DCAF6: variants seen among roughly 807,000 people sequenced by gnomAD.
DCAF6 encodes DDB1 and CUL4 associated factor 6.
In DCAF6, 54 loss-of-function variants were observed where a neutral mutation model predicts 125.1. The ratio of observed to expected loss-of-function variants is 0.43; its 90% CI spans 0.35 to 0.54. The LOEUF is 0.54. Among genes scored for constraint, DCAF6 ranks in the 20% least tolerant of loss-of-function variants. DCAF6 has a pLI of 0.01. For synonymous variants in DCAF6, 371 were observed against 390.4 expected, an observed-to-expected ratio of 0.95 and a Z score of 0.58; for missense variants, 934 against 1,161.7, an observed-to-expected ratio of 0.80 and a Z score of 2.85.
chr1:167,950,030 T>C (rs1422905151), intron 1 of DCAF6, among the ~76,000 whole-genome samples: 2 of 152,236 alleles, frequency 1.3e-5, no homozygotes, highest in Non-Finnish European at 2.9e-5. Context: ...TATGCCTCTA[T>C]ACATGTTCTA....
Position 168,036,091 on chromosome 1 carries a change from A to C in DCAF6, c.1610-2280A>C, listed in dbSNP as rs573420125. 2.6e-5 allele frequency among the ~76,000 whole-genome samples: 4 copies of C among 152,090 alleles called. No individual in the cohort carries two copies. The South Asian group carries it at 8.3e-4, about 32-fold the overall frequency. ...AAAATAAAAACAAAACAAAACAAAA[A>C]AACTTTGTAGTAGATACTGTAGGAA... is the stretch of plus-strand genomic sequence containing the variant. On this transcript the variant is annotated intron_variant, in intron 12 of 21. Transcript: ENST00000367840.
At chr1:167,896,570 G>A in the DCAF6 span, 50 of 1,562,094 alleles carry the variant, frequency 3.2e-5, no homozygotes, top group South Asian at 5.2e-4. Flanking sequence ...AGAGGCAAAG[G>A]CATTTTTCCA....
intron 1 of DCAF6, among the ~76,000 whole-genome samples, chr1:167,940,031 T>C (rs1307393637): frequency 6.6e-6 from 1 of 152,226 alleles, no homozygotes; most frequent in African/African-American, 2.4e-5. Context: ...ATTTTTCTTG[T>C]AGCCTTTACA....
At position 167,937,182 on chromosome 1, in the gene DCAF6, A is replaced by G; in HGVS notation, c.97+174A>G. ...TCCGTGCCGGTGCCTCCCCCAGTCAAGCCCCCTGTGCATGCTGCCAGCCGC... is the reference window on the plus strand; with the variant it reads ...TCCGTGCCGGTGCCTCCCCCAGTCAGGCCCCCTGTGCATGCTGCCAGCCGC... On this transcript the variant is annotated intron_variant, in intron 1 of 21. Coordinates refer to ENST00000367840, the MANE Select transcript of DCAF6 (RefSeq NM_001198956.2). 4.8e-6 allele frequency: 3 copies of G among 625,316 alleles called. No individual in the cohort carries two copies. The Admixed American group carries it at 8.7e-5, about 18-fold the overall frequency. The allele number at this position is 625,316 out of a possible 1,614,324, so 38.7% of individuals were successfully genotyped here. A position where few individuals can be genotyped will look rare whatever the true frequency, so the allele number is the denominator to read the frequency against.
chr1:167,990,204 A>T (rs778247370), intron 5 of DCAF6, among the ~76,000 whole-genome samples: 14 of 152,072 alleles, frequency 9.2e-5, no homozygotes, highest in South Asian at 4.2e-4. Context: ...TTTGTACAAA[A>T]TTTTTTTTAA....
chr1:167,883,956 A>T, the DCAF6 span, among the ~76,000 whole-genome samples: 1 of 152,214 alleles, frequency 6.6e-6, no homozygotes, highest in Non-Finnish European at 1.5e-5. Context: ...AAAAAAATTT[A>T]AAATTTTTTA....
At chr1:167,905,173 C>T in the DCAF6 span, 3 of 1,613,792 alleles carry the variant, frequency 1.9e-6, no homozygotes, top group Non-Finnish European at 2.5e-6. Context: ...TTTATGGTGA[C>T]AGGAAGCAGT....
At chr1:167,998,839 T>C (rs1258012770) in intron 7 of DCAF6, 1 of 152,774 alleles carries the variant, frequency 6.5e-6, no homozygotes, top group Non-Finnish European at 1.5e-5. Flanking sequence ...AGTGACTTCC[T>C]CTACTGAAGT....
At chr1:167,976,608 C>T (rs1367281362) in intron 4 of DCAF6, among the ~76,000 whole-genome samples, 1 of 152,188 alleles carries the variant, frequency 6.6e-6, no homozygotes, top group Non-Finnish European at 1.5e-5. Context: ...GCTACTTTCA[C>T]AAGAATATCG....
At chr1:167,885,805 G>A in the DCAF6 span, among the ~76,000 whole-genome samples, 12 of 151,898 alleles carry the variant, frequency 7.9e-5, no homozygotes, top group East Asian at 3.9e-4. Flanking sequence ...TAGTAGAGAC[G>A]GGGTTTCACC....
chr1:167,934,238 T>A (rs1670993601), upstream of DCAF6, among the ~76,000 whole-genome samples: 1 of 152,202 alleles, frequency 6.6e-6, no homozygotes, highest in Non-Finnish European at 1.5e-5. Flanking sequence ...AAGGTAAGAC[T>A]ACCCTCCAAT....
chr1:168,022,574 T>C (rs1447557221), intron 11 of DCAF6, among the ~76,000 whole-genome samples: 2 of 152,212 alleles, frequency 1.3e-5, no homozygotes, highest in African/African-American at 4.8e-5. Flanking sequence ...TCTCAAAGTA[T>C]AGTGAGCATT....
chr1:168,032,036 C>G (rs1687166220), intron 12 of DCAF6, among the ~76,000 whole-genome samples: 1 of 152,178 alleles, frequency 6.6e-6, no homozygotes, highest in Non-Finnish European at 1.5e-5. Flanking sequence ...AAGTTCAATT[C>G]ACACTTCTAT....
At chr1:168,058,861 C>T (rs1691235967) in intron 17 of DCAF6, among the ~76,000 whole-genome samples, 1 of 152,188 alleles carries the variant, frequency 6.6e-6, no homozygotes, top group Admixed American at 6.5e-5. Flanking sequence ...TGAGCCACTG[C>T]ACCCGGTCCT....
At chr1:168,062,913 CTT>C (rs372896984) in intron 17 of DCAF6, among the ~76,000 whole-genome samples, 25 of 136,962 alleles carry the variant, frequency 1.8e-4, no homozygotes, top group Admixed American at 1.5e-4. Flanking sequence ...TATTAATATT[CTT>C]TTTTTTTTTT....
At chr1:167,981,875 T>G (rs1475988785) in intron 4 of DCAF6, among the ~76,000 whole-genome samples, 1 of 152,230 alleles carries the variant, frequency 6.6e-6, no homozygotes, top group African/African-American at 2.4e-5. Context: ...ACAATTTGTT[T>G]TCTTTTGGAT....
chr1:167,928,677 G>C, the DCAF6 span, among the ~76,000 whole-genome samples: 2 of 152,278 alleles, frequency 1.3e-5, no homozygotes, highest in South Asian at 4.1e-4. Flanking sequence ...GAAAACACAG[G>C]CTTATGTTCT....
intron 17 of DCAF6, among the ~76,000 whole-genome samples, chr1:168,054,264 A>G (rs1690318047): frequency 6.6e-6 from 1 of 152,216 alleles, no homozygotes; most frequent in African/African-American, 2.4e-5. Context: ...GAAGGGCCAC[A>G]ATGGTACAAG....
At chr1:168,068,700 T>C (rs1692662061) in intron 21 of DCAF6, among the ~76,000 whole-genome samples, 1 of 152,140 alleles carries the variant, frequency 6.6e-6, no homozygotes. Flanking sequence ...TAAAAACTCT[T>C]ATCAGCTGCT....
Sources: gnomAD v4.1 joint callset for allele counts (sites outside exome capture counted in the v4.1 genomes callset) on GRCh38, gnomAD v4.1.1 for gene constraint, MANE v1.5 for transcripts, NCBI Gene and HGNC (gene_info 2026-07-23, HGNC 2026-07-21) for gene names.